The following KIAA1958 variants were observed in gnomAD, a reference collection of about 807,000 sequenced individuals.
The protein encoded by KIAA1958 is uncharacterized protein KIAA1958.
A neutral mutation model predicts 47.2 loss-of-function variants in KIAA1958; 14 were observed. The observed-to-expected ratio is 0.30, with a 90% CI of 0.20 to 0.46. KIAA1958 has a LOEUF of 0.46. Ranked by LOEUF, KIAA1958 falls within the 20% of genes least tolerant of loss-of-function variation. The pLI is 1.00. For synonymous variants in KIAA1958, 354 were observed against 353.3 expected (o/e 1.00, Z -0.02); for missense variants, 803 against 909.2 (o/e 0.88, Z 1.50).
chr9:112,571,732 C>A (rs926980294), intron 1 of KIAA1958, among the ~76,000 whole-genome samples: 2 of 151,504 alleles, frequency 1.3e-5, no homozygotes, highest in Admixed American at 1.3e-4. Context: ...AGGAGAATTG[C>A]TTGAGCCCAG....
At chr9:112,490,419 T>G (rs1479307451) in intron 1 of KIAA1958, among the ~76,000 whole-genome samples, 2 of 152,238 alleles carry the variant, frequency 1.3e-5, no homozygotes, top group Non-Finnish European at 2.9e-5. Flanking sequence ...ACTTTGCTTC[T>G]GATTAGTTGA....
chr9:112,650,395 G>A (rs879566425), intron 3 of KIAA1958, among the ~76,000 whole-genome samples: 5 of 152,050 alleles, frequency 3.3e-5, no homozygotes, highest in Admixed American at 6.6e-5. Flanking sequence ...ATATATGGAG[G>A]AAAAAATGCA....
In KIAA1958 at chr9:112,533,856, G is replaced by A. The variant is rs1438392888; in HGVS notation, c.-24-40201G>A. Among the ~76,000 whole-genome samples the A allele has an allele frequency of 2.0e-5, 3 of 152,138 alleles. No individual in the cohort carries two copies. The East Asian group carries it at 5.8e-4, about 29-fold the overall frequency. ...TCTGCCCTTGACACGTGGGGATTGT[G>A]GGGACTATGGGGATTACAATTCAAG... On this transcript the variant is annotated intron_variant, in intron 1 of 3. Coordinates refer to ENST00000337530, the MANE Select transcript of KIAA1958 (RefSeq NM_133465.4).
chr9:112,568,687 T>G (rs1302137679), intron 1 of KIAA1958, among the ~76,000 whole-genome samples: 1 of 151,736 alleles, frequency 6.6e-6, no homozygotes, highest in Non-Finnish European at 1.5e-5. Context: ...AAGACCAGCC[T>G]GGACAACATG....
chr9:112,493,866 A>G (rs898139900), intron 1 of KIAA1958, among the ~76,000 whole-genome samples: 3 of 152,232 alleles, frequency 2.0e-5, no homozygotes, highest in African/African-American at 7.2e-5. Context: ...GGAGTTGGCA[A>G]ACTTTTTCTG....
chr9:112,590,541 A>G (rs1395628456), intron 2 of KIAA1958, among the ~76,000 whole-genome samples: 1 of 151,916 alleles, frequency 6.6e-6, no homozygotes, highest in African/African-American at 2.4e-5. Flanking sequence ...TAGTAGAGAC[A>G]GGGTTTCACT....
chr9:112,492,834 C>T (rs566000529), intron 1 of KIAA1958, among the ~76,000 whole-genome samples: 3 of 152,082 alleles, frequency 2.0e-5, no homozygotes, highest in South Asian at 2.1e-4. Context: ...ACTGCAGCCT[C>T]GACCTCCTGA....
chr9:112,575,576 C>T (rs185957069), intron 2 of KIAA1958, among the ~76,000 whole-genome samples: 45 of 152,114 alleles, frequency 3.0e-4, no homozygotes, highest in Non-Finnish European at 5.3e-4. Flanking sequence ...TAAAAATATG[C>T]TTCTCCATCA....
At chr9:112,538,811 CTTACTGTGT>C (rs1470130773) in intron 1 of KIAA1958, among the ~76,000 whole-genome samples, 2 of 152,102 alleles carry the variant, frequency 1.3e-5, no homozygotes, top group African/African-American at 2.4e-5. Flanking sequence ...TTATTGGGTG[CTTACTGTGT>C]GCCAGGCACT....
At position 112,618,639 on chromosome 9, in the gene KIAA1958, A is replaced by G. The variant is rs1836446867; in HGVS notation, c.1172-27011A>G. ...TACTTATCCATCAAGCCAGTCGTGAACCTGGCGGCTCTGCATTGGTACAAC... is the reference window on the plus strand; with the variant it reads ...TACTTATCCATCAAGCCAGTCGTGAGCCTGGCGGCTCTGCATTGGTACAAC... On this transcript the variant is annotated intron_variant, in intron 2 of 3. Transcript: ENST00000337530. This position sits in a 1 kb window ranked among gnomAD's most constrained non-coding sequence, Gnocchi z 7.1. 1 of 1,550,582 alleles carries G rather than the reference A, an allele frequency of 6.4e-7. No homozygotes were observed. Among genetic ancestry groups the G allele is most frequent in the African/African-American group, 1.4e-5 (1 of 73,060 alleles).
At chr9:112,513,587 C>T (rs1439301943) in intron 1 of KIAA1958, among the ~76,000 whole-genome samples, 2 of 131,610 alleles carry the variant, frequency 1.5e-5, no homozygotes, top group South Asian at 5.2e-4. Context: ...AGATACGAAG[C>T]GGAGCCGCTG....
At chr9:112,536,347 G>A (rs1834853817) in intron 1 of KIAA1958, among the ~76,000 whole-genome samples, 1 of 152,194 alleles carries the variant, frequency 6.6e-6, no homozygotes, top group South Asian at 2.1e-4. Context: ...AGTTAGAGGA[G>A]TTAGGATTTA....
At chr9:112,567,099 A>G (rs571186654) in intron 1 of KIAA1958, among the ~76,000 whole-genome samples, 39 of 152,366 alleles carry the variant, frequency 2.6e-4, no homozygotes, top group African/African-American at 8.9e-4. Context: ...ATGGTGCAGA[A>G]TAAGTGAAGG....
rs758525184 is a variant in KIAA1958, at chr9:112,525,918, TTTCTTCTTCTTCTTC to T, written c.-25+38869_-25+38883del. ...AAGTTGGAAAGCTTCATTTATATTCTTTCTTCTTCTTCTTCTTCTTCTTCTTCTTCTTCTTCTTCT... is the reference window on the plus strand; with the variant it reads ...AAGTTGGAAAGCTTCATTTATATTCTTTCTTCTTCTTCTTCTTCTTCTTCT... On this transcript the variant is annotated intron_variant, in intron 1 of 3. Transcript: ENST00000337530. Among the ~76,000 whole-genome samples, 128 of 96,500 alleles carry T rather than the reference TTTCTTCTTCTTCTTC, an allele frequency of 1.3e-3. 7 individuals are homozygous for T. The highest frequency in any genetic ancestry group is 8.1e-3 in the East Asian group (25 of 3,076). The allele number at this position is 96,500 out of a possible 152,430, so 63.3% of individuals were successfully genotyped here.
At position 112,659,459 on chromosome 9, in the gene KIAA1958, T is replaced by C. The variant is rs1837219872; in HGVS notation, c.1541T>C (p.Leu514Pro). The C allele has an allele frequency of 6.2e-7, 1 of 1,613,884 alleles. No homozygotes were observed. The highest frequency in any genetic ancestry group is 1.6e-4 in the Middle Eastern group (1 of 6,062). Residue 514 changes from leucine to proline, a missense_variant, in exon 4 of 4, where the codon CTG becomes CCG. By Grantham distance (98) the Leu-to-Pro change is moderately conservative (BLOSUM62 -3). Around this residue, in one of 2 missense-constraint regions of KIAA1958, gnomAD observed 761 missense variants for 829.3 expected, o/e 0.92. Coordinates refer to ENST00000337530, the MANE Select transcript of KIAA1958 (RefSeq NM_133465.4). Reference sequence around the variant, plus strand: ...TCCACCAAGAAACTCAAGGAGAAGCTGTGGGTGCTGAGTAAGGCAGGCATG... The same window carrying C: ...TCCACCAAGAAACTCAAGGAGAAGCCGTGGGTGCTGAGTAAGGCAGGCATG... ...SSSTKKLKEKLWVLSKAGMSG... is the reference protein window; with the variant it reads ...SSSTKKLKEKPWVLSKAGMSG...
At position 112,669,260 on chromosome 9, in the gene KIAA1958, T is replaced by G. The variant is rs1001212866; in HGVS notation, c.*9191T>G. 3.9e-5 allele frequency: 6 copies of G among 152,242 alleles called. No individual in the cohort carries two copies. The highest frequency in any genetic ancestry group is 5.9e-5 in the Non-Finnish European group (4 of 68,048). 9.4% of individuals were successfully genotyped at this position (152,242 alleles called of 1,614,324 possible). The stretch of plus-strand genomic sequence containing the variant: ...TCCAGTCCGGCCCTCTAGTTGATAG[T>G]CCAGTAGTCTGTTAACAATTTGTAA... On this transcript the variant is annotated 3_prime_UTR_variant, in exon 4 of 4. Transcript: ENST00000337530.
At position 112,511,790 on chromosome 9, in the gene KIAA1958, C is replaced by G. The variant is rs75100457; in HGVS notation, c.-25+24672C>G. On this transcript the variant is annotated intron_variant, in intron 1 of 3. Transcript: ENST00000337530. The stretch of plus-strand genomic sequence containing the variant: ...AATAGAAATATCTAGCCAGACTGAT[C>G]GAAAATTAGGAGGAGATATACAGAT... Among the ~76,000 whole-genome samples the G allele has an allele frequency of 4.8e-4, 73 of 151,978 alleles. 1 individual carries two copies. In the East Asian group the frequency reaches 0.013, roughly 26 times the overall value.
chr9:112,654,114 T>C (rs1158663040), intron 3 of KIAA1958, among the ~76,000 whole-genome samples: 3 of 152,134 alleles, frequency 2.0e-5, no homozygotes, highest in Non-Finnish European at 4.4e-5. Flanking sequence ...ATCGTAGCTG[T>C]CTTCTCATAC....
chr9:112,655,463 C>G (rs1837134484), intron 3 of KIAA1958, among the ~76,000 whole-genome samples: 1 of 152,130 alleles, frequency 6.6e-6, no homozygotes, highest in African/African-American at 2.4e-5. Context: ...CTACAATAAT[C>G]CCCCCTTGTT....
Sources: gnomAD v4.1 joint callset for allele counts (sites outside exome capture counted in the v4.1 genomes callset) on GRCh38, gnomAD v4.1.1 for gene constraint, gnomAD v4.1.1 regional missense constraint, Gnocchi (gnomAD v3.1) non-coding constraint, MANE v1.5 for transcripts, NCBI Gene and HGNC (gene_info 2026-07-23, HGNC 2026-07-21) for gene names.